Variants in VRTN observed in about 807,000 individuals in gnomAD.
VRTN encodes the protein vertebrae development associated.
VRTN carries 5 observed loss-of-function variants against 18.2 expected under a neutral mutation model. That is an observed-to-expected ratio of 0.27 (90% confidence interval 0.14 to 0.58). VRTN has a LOEUF of 0.58. VRTN is among the 20% of genes least tolerant of loss of function. The probability of loss-of-function intolerance (pLI) is 0.91; values close to 1 mark genes in which losing one functional copy is unlikely to be tolerated. For synonymous variants in VRTN, 381 were observed against 393.7 expected (o/e 0.97, Z 0.38); for missense variants, 741 against 939.4 (o/e 0.79, Z 2.76).
At chr14:74,319,981 G>C (rs1052223197) in intron 1 of VRTN, among the ~76,000 whole-genome samples, 11 of 152,176 alleles carry the variant, frequency 7.2e-5, no homozygotes, top group African/African-American at 2.4e-4. Context: ...GGGCACGGTG[G>C]CTCATGCCTG....
At chr14:74,354,807 T>C (rs2085713073) in intron 1 of VRTN, among the ~76,000 whole-genome samples, 1 of 151,952 alleles carries the variant, frequency 6.6e-6, no homozygotes. Context: ...TGTAGATCTT[T>C]AGTGGAAACA....
At chr14:74,344,407 C>CAA (rs58231760), upstream of VRTN, among the ~76,000 whole-genome samples, 3,334 of 66,214 alleles carry the variant, frequency 0.05, 520 homozygotes, top group African/African-American at 0.23. Flanking sequence ...AAGACTGTCT[C>CAA]AAAAAAAAAA....
At position 74,357,085 on chromosome 14, in the gene VRTN, G is replaced by C. The variant is rs1214158859; in HGVS notation, c.302G>C (p.Ser101Thr). ...SMLLWGDAGLSLELRARTVVE... is the reference protein window; with the variant it reads ...SMLLWGDAGLTLELRARTVVE... ...CTGCTGTGGGGTGACGCAGGCCTCA[G>C]CCTGGAGCTGCGGGCCCGCACCGTG... is the stretch of plus-strand genomic sequence containing the variant. Residue 101 changes from serine to threonine, a missense_variant, in exon 2 of 2, where the codon AGC (serine) becomes ACC (threonine). Ser to Thr is a moderately conservative substitution (Grantham distance 58). Coordinates refer to ENST00000256362, the MANE Select transcript of VRTN (RefSeq NM_018228.3). The surrounding 1 kb of genome is among the most constrained non-coding windows in gnomAD (Gnocchi z 7.8). 3 of 1,606,134 alleles carry C rather than the reference G, an allele frequency of 1.9e-6. No homozygotes were observed. The highest frequency in any genetic ancestry group is 1.7e-5 in the Admixed American group (1 of 59,894).
chr14:74,304,885 G>A (rs758730671), intron 1 of VRTN, among the ~76,000 whole-genome samples: 13 of 152,030 alleles, frequency 8.6e-5, no homozygotes, highest in South Asian at 2.1e-4. Flanking sequence ...AATTAATAAG[G>A]CAACCAAAGT....
intron 1 of VRTN, among the ~76,000 whole-genome samples, chr14:74,328,559 A>G (rs935069151): frequency 6.6e-6 from 1 of 152,252 alleles, no homozygotes; most frequent in Non-Finnish European, 1.5e-5. Context: ...AGTGAAAAAC[A>G]GGAAAAAGTC....
chr14:74,359,520 GA>G lies in VRTN; in HGVS notation c.*639del, dbSNP rs924575113. 352 of 154,334 alleles carry G rather than the reference GA, an allele frequency of 2.3e-3. 1 individual carries two copies. The highest frequency in any genetic ancestry group is 3.9e-3 in the African/African-American group (154 of 39,430). 9.6% of individuals were successfully genotyped at this position (154,334 alleles called of 1,614,324 possible). On this transcript the variant is annotated 3_prime_UTR_variant, in exon 2 of 2. Transcript: ENST00000256362. Reference sequence around the variant, plus strand: ...CAATGTAGTGAGACCTCATCTCTTAGAAAAAAAAAAAGAAAGAAAATCAAAT... The same window carrying G: ...CAATGTAGTGAGACCTCATCTCTTAGAAAAAAAAAAGAAAGAAAATCAAAT...
Position 74,340,110 on chromosome 14 carries a change from A to ATTT in VRTN, c.-2+2243_-2+2245dup, listed in dbSNP as rs71115984. 3.0e-3 allele frequency among the ~76,000 whole-genome samples: 341 copies of ATTT among 113,192 alleles called. 3 individuals are homozygous for ATTT. The highest frequency in any genetic ancestry group is 9.1e-3 in the African/African-American group (263 of 28,816). 74.3% of individuals were successfully genotyped at this position (113,192 alleles called of 152,430 possible). On this transcript the variant is annotated intron_variant, in intron 2 of 2. Transcript: ENST00000557177. ...GCCACCACACTCAGCTAATGTTTGTATTTTTTTTTTTTTTTTTTTGAGACG... is the reference window on the plus strand; with the variant it reads ...GCCACCACACTCAGCTAATGTTTGTATTTTTTTTTTTTTTTTTTTTTTGAGACG...
intron 1 of VRTN, among the ~76,000 whole-genome samples, chr14:74,319,339 C>T (rs986401867): frequency 2.6e-5 from 4 of 152,194 alleles, no homozygotes; most frequent in Non-Finnish European, 5.9e-5. Flanking sequence ...GCCTGGCCCC[C>T]TCGGGATGTA....
intron 1 of VRTN, among the ~76,000 whole-genome samples, chr14:74,330,119 C>G (rs1289842812): frequency 6.6e-6 from 1 of 152,030 alleles, no homozygotes; most frequent in Non-Finnish European, 1.5e-5. Flanking sequence ...AAGTGATCTG[C>G]CTGCCTCGGC....
At position 74,348,585 on chromosome 14, in the gene VRTN, C is replaced by T. The variant is rs1222559172; in HGVS notation, c.-69C>T. 2.0e-5 allele frequency: 3 copies of T among 152,508 alleles called. No individual in the cohort carries two copies. The highest frequency in any genetic ancestry group is 2.1e-4 in the South Asian group (1 of 4,828). The allele number at this position is 152,508 out of a possible 1,614,324, so 9.4% of individuals were successfully genotyped here. A position where few individuals can be genotyped will look rare whatever the true frequency, so the allele number is the denominator to read the frequency against. On this transcript the variant is annotated 5_prime_UTR_variant, in exon 1 of 2. Coordinates refer to ENST00000256362, the MANE Select transcript of VRTN (RefSeq NM_018228.3). ...GAGAAGGCCTTTCCCCACAGGGTGA[C>T]TTAAATGTCCCAGGCTGGAAGGTGG...
At chr14:74,355,401 A>G (rs1362716849) in intron 1 of VRTN, among the ~76,000 whole-genome samples, 1 of 152,162 alleles carries the variant, frequency 6.6e-6, no homozygotes, top group Non-Finnish European at 1.5e-5. Flanking sequence ...CAATCATCCA[A>G]TGGAGACATT....
At position 74,358,527 on chromosome 14, in the gene VRTN, A is replaced by G. The variant is rs893175532; in HGVS notation, c.1744A>G (p.Arg582Gly). The change falls in exon 2 of 2, where the codon AGG becomes GGG. Residue 582 changes from arginine (R) to glycine (G), a missense_variant. Physicochemically the swap from Arg to Gly is moderately radical, Grantham distance 125. Around this residue, in one of 3 missense-constraint regions of VRTN, gnomAD observed 494 missense variants for 546.5 expected, o/e 0.90. Transcript: ENST00000256362. This position sits in a 1 kb window ranked among gnomAD's most constrained non-coding sequence, Gnocchi z 5.4. ...GGAGAAGCAGGAGAAGGAGGCTGGC[A>G]GGGATGTGACAGCTGTGATGGCCCC... is the stretch of plus-strand genomic sequence containing the variant. The part of the protein sequence containing the change: ...AEEKQEKEAG[R>G]DVTAVMAPPV... 2 of 1,613,786 alleles carry G rather than the reference A, an allele frequency of 1.2e-6. No individual in the cohort carries two copies. The highest frequency in any genetic ancestry group is 8.5e-7 in the Non-Finnish European group (1 of 1,179,808).
At chr14:74,325,442 AAAAC>A (rs770319540) in intron 1 of VRTN, among the ~76,000 whole-genome samples, 11 of 152,072 alleles carry the variant, frequency 7.2e-5, no homozygotes, top group Admixed American at 5.2e-4. Flanking sequence ...CAAAAAACAA[AAAAC>A]AAACAAACAA....
At chr14:74,338,729 T>C (rs528547407) in intron 2 of VRTN, among the ~76,000 whole-genome samples, 6 of 151,692 alleles carry the variant, frequency 4.0e-5, no homozygotes, top group African/African-American at 1.5e-4. Context: ...TAACTATTTT[T>C]ATTTTTTATT....
At chr14:74,354,456 G>A (rs1595176063) in intron 1 of VRTN, among the ~76,000 whole-genome samples, 1 of 151,380 alleles carries the variant, frequency 6.6e-6, no homozygotes, top group Non-Finnish European at 1.5e-5. Context: ...CCAGGGTGGA[G>A]TGCAGTGATG....
chr14:74,303,928 G>C (rs1000389083), intron 1 of VRTN, among the ~76,000 whole-genome samples: 27 of 146,104 alleles, frequency 1.8e-4, no homozygotes, highest in Non-Finnish European at 1.5e-5. Flanking sequence ...ATCGGCTCAC[G>C]GCAACCTCAG....
intron 1 of VRTN, among the ~76,000 whole-genome samples, chr14:74,320,609 C>T (rs1481293033): frequency 3.1e-5 from 2 of 65,140 alleles, no homozygotes; most frequent in East Asian, 9.9e-4. Flanking sequence ...TTTTTTGAGA[C>T]GGAGTCTTGC....
At chr14:74,312,129 G>T (rs2140192393) in intron 1 of VRTN, among the ~76,000 whole-genome samples, 1 of 152,272 alleles carries the variant, frequency 6.6e-6, no homozygotes, top group East Asian at 1.9e-4. Flanking sequence ...CAAACCCATT[G>T]TCAAATTGTG....
At chr14:74,344,765 TA>T (rs2085632961), upstream of VRTN, among the ~76,000 whole-genome samples, 1 of 77,404 alleles carries the variant, frequency 1.3e-5, no homozygotes, top group South Asian at 4.0e-4. Flanking sequence ...AAGAAAAATG[TA>T]AAAATATGTG....
Sources: gnomAD v4.1 joint callset for allele counts (sites outside exome capture counted in the v4.1 genomes callset) on GRCh38, gnomAD v4.1.1 for gene constraint, gnomAD v4.1.1 regional missense constraint, Gnocchi (gnomAD v3.1) non-coding constraint, MANE v1.5 for transcripts, NCBI Gene and HGNC (gene_info 2026-07-23, HGNC 2026-07-21) for gene names.